Variants in BBOF1 observed in about 807,000 individuals in gnomAD.
BBOF1 encodes the protein basal body orientation factor 1.
In BBOF1, 62 loss-of-function variants were observed where a neutral mutation model predicts 68.0. That is an observed-to-expected ratio of 0.91 (90% confidence interval 0.74 to 1.13). The LOEUF (loss-of-function observed/expected upper bound fraction) is 1.13, where lower values mean the gene tolerates loss of function less well. Ranked by LOEUF, BBOF1 falls within the 50% of genes most tolerant of loss-of-function variation. The pLI, the probability that BBOF1 is intolerant of heterozygous loss-of-function variation, is 0.00. For missense variants in BBOF1, 534 were observed against 600.1 expected, an observed-to-expected ratio of 0.89 and a Z score of 1.15; for synonymous variants, 208 against 198.8, an observed-to-expected ratio of 1.05 and a Z score of -0.39.
At chr14:74,024,818 G>A (rs978735408) in intron 2 of BBOF1, among the ~76,000 whole-genome samples, 1 of 152,126 alleles carries the variant, frequency 6.6e-6, no homozygotes, top group Non-Finnish European at 1.5e-5. Context: ...GCCCAGGCTA[G>A]CCTCGAACTC....
intron 2 of BBOF1, among the ~76,000 whole-genome samples, chr14:74,026,220 A>G (rs1351781524): frequency 6.6e-6 from 1 of 151,410 alleles, no homozygotes; most frequent in African/African-American, 2.4e-5. Flanking sequence ...AGGCGGGTGG[A>G]TTACTGAGGT....
In BBOF1 at chr14:74,075,017, C is replaced by T. The variant is rs767569064; in HGVS notation, n.1380-3179C>T. 10 of 1,613,700 alleles carry T rather than the reference C, an allele frequency of 6.2e-6. No homozygotes were observed. The South Asian group carries it at 8.8e-5, about 14-fold the overall frequency. ...GGACTGGATTTCACCTTGGAAGAAA[C>T]CTGTGAGGCAAAAGAACGATTATTT... On this transcript the variant is annotated intron_variant and non_coding_transcript_variant, in intron 9 of 12. Transcript: ENST00000492026.
chr14:74,048,497 GAC>G (rs2139602746), intron 7 of BBOF1: 1 of 152,968 alleles, frequency 6.5e-6, no homozygotes, highest in African/African-American at 2.4e-5. Flanking sequence ...AAAGTTAATA[GAC>G]ACTCAGCTTC....
chr14:74,071,678 A>G (rs12884055), intron 9 of BBOF1: 209,004 of 1,511,474 alleles, frequency 0.14, 15,896 homozygotes, highest in Admixed American at 0.25. Context: ...GGAAAAATAC[A>G]GCGATATGTA....
intron 1 of BBOF1, among the ~76,000 whole-genome samples, chr14:74,020,101 A>G (rs1170166791): frequency 6.6e-6 from 1 of 152,234 alleles, no homozygotes. Context: ...AGAAAAAACA[A>G]AAATCACCTG....
chr14:74,062,061 A>G (rs1472304559), intron 11 of BBOF1, among the ~76,000 whole-genome samples: 3 of 137,566 alleles, frequency 2.2e-5, no homozygotes, highest in Admixed American at 2.1e-4. Flanking sequence ...GAAAAAAAAA[A>G]AAAAAAAAAA....
chr14:74,054,535 TGCCCA>T (rs1382940055), intron 8 of BBOF1, among the ~76,000 whole-genome samples: 1 of 151,462 alleles, frequency 6.6e-6, no homozygotes, highest in Non-Finnish European at 1.5e-5. Flanking sequence ...CCCACCACCA[TGCCCA>T]GCTAATTTTT....
rs2059504310 is a variant in BBOF1 at position 74,029,085 on chromosome 14, C to T, written c.286-99C>T. On this transcript the variant is annotated intron_variant, in intron 2 of 11. Transcript: ENST00000394009. ...TTTCCACCTCACTCACCTCTTTTGC[C>T]ATATTGGTTTTAGTATTGTGTGAAA... 3 of 708,554 alleles carry T rather than the reference C, an allele frequency of 4.2e-6. No homozygotes were observed. In the East Asian group the frequency reaches 8.6e-5, roughly 20 times the overall value. The allele number at this position is 708,554 out of a possible 1,614,324, so 43.9% of individuals were successfully genotyped here.
At position 74,028,511 on chromosome 14, in the gene BBOF1, CAA is replaced by C. The variant is rs71115944; in HGVS notation, c.286-671_286-670del. On this transcript the variant is annotated intron_variant, in intron 2 of 11. Coordinates refer to ENST00000394009, the MANE Select transcript of BBOF1 (RefSeq NM_025057.3). ...ACACACACACACACACACACACACA[CAA>C]ATAGAGGGAAAGCAAATGCGGCAAA... Among the ~76,000 whole-genome samples the C allele has an allele frequency of 2.2e-3, 189 of 86,712 alleles. 1 individual carries two copies. The highest frequency in any genetic ancestry group is 7.2e-3 in the African/African-American group (181 of 25,188). The allele number at this position is 86,712 out of a possible 152,430, so 56.9% of individuals were successfully genotyped here. A position where few individuals can be genotyped will look rare whatever the true frequency, so the allele number is the denominator to read the frequency against.
At chr14:74,059,289 C>A in intron 11 of BBOF1, 2 of 406,584 alleles carry the variant, frequency 4.9e-6, no homozygotes, top group African/African-American at 2.1e-5. Context: ...TAAAATTTGG[C>A]AAGTAATAGC....
intron 11 of BBOF1, among the ~76,000 whole-genome samples, chr14:74,062,573 C>G (rs1183512358): frequency 6.6e-6 from 1 of 152,046 alleles, no homozygotes; most frequent in Non-Finnish European, 1.5e-5. Flanking sequence ...TATACTCCAG[C>G]CTGGGTGACA....
chr14:74,068,105 C>T (rs1457876575), downstream of BBOF1, among the ~76,000 whole-genome samples: 1 of 151,826 alleles, frequency 6.6e-6, no homozygotes, highest in Non-Finnish European at 1.5e-5. Flanking sequence ...AAGAAAGAGG[C>T]CAGGCATGGT....
At chr14:74,043,725 G>T (rs1031238992) in intron 5 of BBOF1, among the ~76,000 whole-genome samples, 2 of 150,284 alleles carry the variant, frequency 1.3e-5, no homozygotes. Context: ...TAGAGACAGG[G>T]TTTCACCATG....
At chr14:74,060,221 A>C (rs2139721320) in intron 11 of BBOF1, 1 of 162,684 alleles carries the variant, frequency 6.1e-6, no homozygotes, top group Middle Eastern at 3.1e-3. Context: ...CACGTTCTTC[A>C]ACTCCTGGGC....
At chr14:74,034,273 C>A in intron 4 of BBOF1, 102 bp downstream of exon 4, 1 of 725,028 alleles carries the variant, frequency 1.4e-6, no homozygotes, top group Non-Finnish European at 2.0e-6. Flanking sequence ...GCAAAGAACT[C>A]TCTTTGACAT....
At chr14:74,071,095 C>G (rs2060542699) in intron 9 of BBOF1, 1 of 1,161,810 alleles carries the variant, frequency 8.6e-7, no homozygotes, top group Non-Finnish European at 1.3e-6. Flanking sequence ...ATCCTTTCCT[C>G]CTTACAAGTA....
At chr14:74,057,044 G>T in intron 10 of BBOF1, 64 bp downstream of exon 10, 4 of 1,590,702 alleles carry the variant, frequency 2.5e-6, no homozygotes, top group Non-Finnish European at 2.6e-6. Flanking sequence ...TGGGCATCTT[G>T]AATGTGCTAA....
intron 2 of BBOF1, among the ~76,000 whole-genome samples, chr14:74,024,428 C>T (rs570237913): frequency 6.6e-6 from 1 of 152,240 alleles, no homozygotes; most frequent in South Asian, 2.1e-4. Flanking sequence ...GGCAGTCCAA[C>T]CTGGACATCA....
Position 74,065,782 on chromosome 14 carries a change from A to G in BBOF1, c.*1083A>G, listed in dbSNP as rs1183448830. The G allele has an allele frequency of 9.8e-6, 2 of 203,666 alleles. No homozygotes were observed. The highest frequency in any genetic ancestry group is 1.3e-4 in the East Asian group (1 of 7,744). The allele number at this position is 203,666 out of a possible 1,614,324, so 12.6% of individuals were successfully genotyped here. On this transcript the variant is annotated 3_prime_UTR_variant, in exon 12 of 12. Transcript: ENST00000394009. ...GAAACCCCATGCTGTTTTCTGTAACATAAATAATCCATTCTTATTCACTCC... is the reference window on the plus strand; with the variant it reads ...GAAACCCCATGCTGTTTTCTGTAACGTAAATAATCCATTCTTATTCACTCC...
Sources: gnomAD v4.1 joint callset for allele counts (sites outside exome capture counted in the v4.1 genomes callset) on GRCh38, gnomAD v4.1.1 for gene constraint, MANE v1.5 for transcripts, NCBI Gene and HGNC (gene_info 2026-07-23, HGNC 2026-07-21) for gene names.